ZFHX3: variants seen among roughly 807,000 people sequenced by gnomAD.
ZFHX3 encodes zinc finger homeobox 3.
In ZFHX3, 42 loss-of-function variants were observed where a neutral mutation model predicts 279.1. The observed-to-expected ratio is 0.15, with a 90% confidence interval of 0.12 to 0.19. The LOEUF (loss-of-function observed/expected upper bound fraction) is 0.19, where lower values mean the gene tolerates loss of function less well. Ranked by LOEUF, ZFHX3 falls within the 10% of genes least tolerant of loss-of-function variation. The pLI is 1.00. For synonymous variants in ZFHX3, 2,293 were observed against 1,957.8 expected, an observed-to-expected ratio of 1.17 and a Z score of -4.52; for missense variants, 4,981 against 4,754.0, an observed-to-expected ratio of 1.05 and a Z score of -1.40.
At chr16:73,775,832 C>A (rs977983302) in intron 1 of ZFHX3, among the ~76,000 whole-genome samples, 2 of 151,904 alleles carry the variant, frequency 1.3e-5, no homozygotes, top group African/African-American at 4.8e-5. Flanking sequence ...GTGATGGGGC[C>A]CCCAGTAGAA....
chr16:73,099,710 CAAAAAAA>C (rs756694525), intron 7 of ZFHX3, among the ~76,000 whole-genome samples: 1 of 90,948 alleles, frequency 1.1e-5, no homozygotes, highest in African/African-American at 4.0e-5. Context: ...GACTCCATCT[CAAAAAAA>C]AAAAAAAAAA....
chr16:73,314,289 A>G (rs1597279619), intron 4 of ZFHX3, among the ~76,000 whole-genome samples: 1 of 152,080 alleles, frequency 6.6e-6, no homozygotes, highest in African/African-American at 2.4e-5. Flanking sequence ...CTGCTGGCCA[A>G]CCCTGCAAAT....
intron 2 of ZFHX3, among the ~76,000 whole-genome samples, chr16:73,503,102 C>T (rs1407551635): frequency 1.3e-5 from 2 of 152,216 alleles, no homozygotes; most frequent in African/African-American, 4.8e-5. Flanking sequence ...CTAGATGATG[C>T]ATCCCTAAAA....
In ZFHX3 at chr16:73,547,491, C is replaced by T. The variant is rs570366564; in HGVS notation, c.-1546-91233G>A. Among the ~76,000 whole-genome samples, 3 of 152,258 alleles carry T rather than the reference C, an allele frequency of 2.0e-5. No individual in the cohort carries two copies. In the South Asian group the frequency reaches 6.2e-4, roughly 32 times the overall value. On this transcript the variant is annotated intron_variant, in intron 2 of 17. Transcript: ENST00000641206. ...TCCAGGGACAGGAAGCCCTCGTCCC[C>T]AAATGAGGTCTCTAAAGATCCTTGC... is the stretch of plus-strand genomic sequence containing the variant.
intron 3 of ZFHX3, among the ~76,000 whole-genome samples, chr16:73,414,037 CAAAAAA>C: frequency 6.6e-6 from 1 of 152,214 alleles, no homozygotes. Context: ...CAAAAGTAAA[CAAAAAA>C]ACTGTTTAAC....
At chr16:72,941,342 T>G (rs1397501437) in intron 3 of ZFHX3, among the ~76,000 whole-genome samples, 1 of 152,348 alleles carries the variant, frequency 6.6e-6, no homozygotes, top group East Asian at 1.9e-4. Flanking sequence ...TTTCTTTTGT[T>G]GGGAACCACT....
At chr16:73,446,132 G>A (rs1258396347) in intron 3 of ZFHX3, among the ~76,000 whole-genome samples, 1 of 152,152 alleles carries the variant, frequency 6.6e-6, no homozygotes, top group African/African-American at 2.4e-5. Flanking sequence ...GGTCTATTAA[G>A]GTGTGGAATC....
rs566837280 is a variant in ZFHX3, at chr16:73,701,488, C to T, written c.-1607-21248G>A. On this transcript the variant is annotated intron_variant, in intron 1 of 17. Coordinates refer to the ZFHX3 transcript ENST00000641206. Reference sequence around the variant, plus strand: ...AAACAGAGGATTGATAATGAAAATGCCCACAGAAGGCAGGCTGCAATTGTT... The same window carrying T: ...AAACAGAGGATTGATAATGAAAATGTCCACAGAAGGCAGGCTGCAATTGTT... Among the ~76,000 whole-genome samples, 3 of 152,190 alleles carry T rather than the reference C, an allele frequency of 2.0e-5. No homozygotes were observed. The South Asian group carries it at 6.2e-4, about 32-fold the overall frequency.
Position 72,794,654 on chromosome 16 carries a change from G to T in ZFHX3, c.8028C>A (p.His2676Gln). ...CCACACGTTTCTTCAAGCCCACCTC[G>T]TGTGCAATGTGATCCAACATCTTTC... ...PTRKMLDHIA[H>Q]EVGLKKRVVQ... The change falls in exon 9 of 10, where the codon CAC (histidine) becomes CAA (glutamine). Residue 2676 changes from histidine (H) to glutamine (Q), a missense_variant. By Grantham distance (24) the His-to-Gln change is conservative (BLOSUM62 0). Transcript: ENST00000268489. This position sits in a 1 kb window ranked among gnomAD's most constrained non-coding sequence, Gnocchi z 4.2. The T allele has an allele frequency of 1.9e-6, 3 of 1,614,188 alleles. No individual in the cohort carries two copies. Among genetic ancestry groups the T allele is most frequent in the Non-Finnish European group, 2.5e-6 (3 of 1,180,040 alleles).
intron 1 of ZFHX3, among the ~76,000 whole-genome samples, chr16:73,691,994 C>A (rs2053153944): frequency 6.6e-6 from 1 of 152,166 alleles, no homozygotes; most frequent in Non-Finnish European, 1.5e-5. Flanking sequence ...AATAACTCAG[C>A]CTCTCCCTAC....
chr16:73,433,198 A>T (rs961104334), intron 3 of ZFHX3, among the ~76,000 whole-genome samples: 6 of 152,214 alleles, frequency 3.9e-5, no homozygotes, highest in Admixed American at 2.0e-4. Flanking sequence ...GAGTATTACT[A>T]TCACTCCAGA....
chr16:73,316,201 T>G (rs1041126061), intron 4 of ZFHX3, among the ~76,000 whole-genome samples: 1 of 152,206 alleles, frequency 6.6e-6, no homozygotes, highest in Non-Finnish European at 1.5e-5. Context: ...TGCATATCTC[T>G]ATCTTGCAGT....
intron 6 of ZFHX3, among the ~76,000 whole-genome samples, chr16:73,136,047 G>C (rs377247774): frequency 6.6e-6 from 1 of 152,136 alleles, no homozygotes; most frequent in Middle Eastern, 3.4e-3. Context: ...TAGTAGAGAC[G>C]GGGTTTAACC....
intron 1 of ZFHX3, among the ~76,000 whole-genome samples, chr16:73,003,457 G>A (rs527276985): frequency 1.3e-5 from 2 of 152,040 alleles, no homozygotes; most frequent in South Asian, 2.1e-4. Context: ...GGAGGCCAAG[G>A]TGGGTGGATC....
At chr16:73,703,334 A>G (rs1206221468) in intron 1 of ZFHX3, among the ~76,000 whole-genome samples, 1 of 152,170 alleles carries the variant, frequency 6.6e-6, no homozygotes, top group Non-Finnish European at 1.5e-5. Context: ...AGGCAGGGAC[A>G]TCCATGACTA....
chr16:72,989,135 T>C (rs898718783), intron 1 of ZFHX3, among the ~76,000 whole-genome samples: 2 of 15,544 alleles, frequency 1.3e-4, no homozygotes, highest in East Asian at 4.0e-4. Context: ...ATCACATCAC[T>C]GCACTCTTGG....
At chr16:73,212,792 C>T (rs1296439530) in intron 5 of ZFHX3, among the ~76,000 whole-genome samples, 1 of 152,224 alleles carries the variant, frequency 6.6e-6, no homozygotes, top group Non-Finnish European at 1.5e-5. Context: ...GCAGCCAGCC[C>T]AGCAGACTTT....
chr16:73,333,413 CATAG>C (rs914515840), intron 3 of ZFHX3, among the ~76,000 whole-genome samples: 16 of 151,992 alleles, frequency 1.1e-4, no homozygotes, highest in African/African-American at 2.7e-4. Context: ...CAGAAAGATA[CATAG>C]ATAGACACAT....
At chr16:73,070,335 C>T (rs891222938) in intron 8 of ZFHX3, among the ~76,000 whole-genome samples, 1 of 152,180 alleles carries the variant, frequency 6.6e-6, no homozygotes, top group Non-Finnish European at 1.5e-5. Context: ...TGAGCCCCTT[C>T]CAAAGAAGAC....
Sources: gnomAD v4.1 joint callset for allele counts (sites outside exome capture counted in the v4.1 genomes callset) on GRCh38, gnomAD v4.1.1 for gene constraint, Gnocchi (gnomAD v3.1) non-coding constraint, MANE v1.5 for transcripts, NCBI Gene and HGNC (gene_info 2026-07-23, HGNC 2026-07-21) for gene names.